Variants in OPCML observed in about 807,000 individuals in gnomAD.
OPCML encodes opioid-binding protein/cell adhesion molecule.
In OPCML, 13 loss-of-function variants were observed where a neutral mutation model predicts 37.8. The ratio of observed to expected loss-of-function variants is 0.34; its 90% CI spans 0.22 to 0.55. The LOEUF is 0.55. Ranked by LOEUF, OPCML falls within the 20% of genes least tolerant of loss-of-function variation. The pLI is 0.91. For missense variants in OPCML, 341 were observed against 435.6 expected (o/e 0.78, Z 1.93); for synonymous variants, 176 against 168.8 (o/e 1.04, Z -0.33).
chr11:133,057,605 G>C (rs561532322), intron 1 of OPCML, among the ~76,000 whole-genome samples: 46 of 152,290 alleles, frequency 3.0e-4, no homozygotes, highest in African/African-American at 1.1e-3. Context: ...CACTTGCAAA[G>C]CTATAGCCTG....
At chr11:133,374,377 G>A (rs1394219045) in intron 1 of OPCML, among the ~76,000 whole-genome samples, 2 of 152,174 alleles carry the variant, frequency 1.3e-5, no homozygotes, top group South Asian at 2.1e-4. Context: ...ATGAGGAAAC[G>A]TTTGGGAATA....
intron 1 of OPCML, among the ~76,000 whole-genome samples, chr11:132,982,073 G>A (rs990233478): frequency 6.6e-6 from 1 of 151,950 alleles, no homozygotes; most frequent in Admixed American, 6.6e-5. Context: ...GCTCGAATAC[G>A]GGCCCTTAAG....
At chr11:132,426,617 A>T (rs1299280244) in intron 7 of OPCML, among the ~76,000 whole-genome samples, 1 of 152,140 alleles carries the variant, frequency 6.6e-6, no homozygotes, top group African/African-American at 2.4e-5. Context: ...ATTTTTGTAG[A>T]GATGGGGTTT....
intron 1 of OPCML, among the ~76,000 whole-genome samples, chr11:133,036,378 G>A (rs1322815437): frequency 1.3e-5 from 2 of 152,190 alleles, no homozygotes; most frequent in African/African-American, 2.4e-5. Flanking sequence ...GATTCTCCAC[G>A]GTCTAGTGAG....
At chr11:133,191,131 C>G (rs75270645) in intron 1 of OPCML, among the ~76,000 whole-genome samples, 3 of 152,092 alleles carry the variant, frequency 2.0e-5, no homozygotes, top group African/African-American at 7.2e-5. Context: ...TTCTCTACAT[C>G]CTCATGAATA....
chr11:133,077,828 C>T (rs182168242), intron 1 of OPCML, among the ~76,000 whole-genome samples: 77 of 152,050 alleles, frequency 5.1e-4, no homozygotes, highest in African/African-American at 1.7e-3. Context: ...GCCCATCTAC[C>T]GGCCACAGAA....
At chr11:132,546,657 C>T (rs1049251854) in intron 3 of OPCML, among the ~76,000 whole-genome samples, 3 of 152,190 alleles carry the variant, frequency 2.0e-5, no homozygotes, top group Non-Finnish European at 4.4e-5. Context: ...ATTTATTTCC[C>T]AGCTGTGTGA....
At position 133,205,079 on chromosome 11, in the gene OPCML, A is replaced by T. The variant is rs1211884861; in HGVS notation, c.62-262069T>A. Among the ~76,000 whole-genome samples, 1 of 151,822 alleles carries T rather than the reference A, an allele frequency of 6.6e-6. No homozygotes were observed. Among genetic ancestry groups the T allele is most frequent in the South Asian group, 2.1e-4 (1 of 4,786 alleles). On this transcript the variant is annotated intron_variant, in intron 1 of 7. Transcript: ENST00000524381. This position sits in a 1 kb window ranked among gnomAD's most constrained non-coding sequence, Gnocchi z 4.8. ...GGCTGCCAGGGAAGCCAATTCTGTG[A>T]TTAAATAATTGGAACTTTCTGTCCC...
intron 2 of OPCML, among the ~76,000 whole-genome samples, chr11:132,702,822 G>C (rs1943881618): frequency 6.6e-6 from 1 of 151,494 alleles, no homozygotes; most frequent in South Asian, 2.1e-4. Flanking sequence ...CTGCTTGATT[G>C]AGTCTACTGT....
At chr11:132,989,863 C>G (rs181296789) in intron 1 of OPCML, among the ~76,000 whole-genome samples, 9 of 152,138 alleles carry the variant, frequency 5.9e-5, no homozygotes, top group Admixed American at 5.9e-4. Context: ...GAAAATAAAG[C>G]CTTCCACTGC....
At chr11:133,523,024 G>A (rs765664913) in intron 1 of OPCML, among the ~76,000 whole-genome samples, 27 of 152,108 alleles carry the variant, frequency 1.8e-4, no homozygotes, top group Admixed American at 3.9e-4. Context: ...CTACTATGGC[G>A]TCCAATTAGC....
Position 133,140,835 on chromosome 11 carries a change from AGAAGACGACGACGACGAC to A in OPCML, c.62-197843_62-197826del, listed in dbSNP as rs869033079. Among the ~76,000 whole-genome samples, 56 of 49,536 alleles carry A rather than the reference AGAAGACGACGACGACGAC, an allele frequency of 1.1e-3. 9 individuals are homozygous for A. The highest frequency in any genetic ancestry group is 2.9e-3 in the African/African-American group (54 of 18,520). The allele number at this position is 49,536 out of a possible 152,430, so 32.5% of individuals were successfully genotyped here. ...ACGACGAAGAAGAAGACGACGACGA[AGAAGACGACGACGACGAC>A]GAAGAAGACGACGACGACGAAGAAG... On this transcript the variant is annotated intron_variant, in intron 1 of 7. Coordinates refer to ENST00000524381, the MANE Select transcript of OPCML (RefSeq NM_001012393.5).
intron 3 of OPCML, among the ~76,000 whole-genome samples, chr11:132,556,888 C>A: frequency 6.6e-6 from 1 of 152,288 alleles, no homozygotes; most frequent in African/African-American, 2.4e-5. Flanking sequence ...TTAAACTCCA[C>A]TTTGTCTTCC....
At chr11:133,361,311 G>C (rs757316824) in intron 1 of OPCML, 4 of 152,344 alleles carry the variant, frequency 2.6e-5, no homozygotes, top group African/African-American at 4.8e-5. Context: ...ATGCTCGCTG[G>C]CTGCCTGGAA....
intron 1 of OPCML, among the ~76,000 whole-genome samples, chr11:133,171,297 CTCT>C (rs1243051884): frequency 6.6e-6 from 1 of 152,168 alleles, no homozygotes; most frequent in Admixed American, 6.5e-5. Context: ...TTTCTCGACC[CTCT>C]TCTTGTCCAC....
rs373329287 is a variant in OPCML at position 133,309,990 on chromosome 11, G to A, written c.61+222274C>T. Among the ~76,000 whole-genome samples the A allele has an allele frequency of 2.6e-4, 40 of 151,842 alleles. No homozygotes were observed. The East Asian group carries it at 4.4e-3, about 17-fold the overall frequency. On this transcript the variant is annotated intron_variant, in intron 1 of 7. Coordinates refer to ENST00000524381, the MANE Select transcript of OPCML (RefSeq NM_001012393.5). ...ATGCAAATGAGGCCGTTTGATAAAT[G>A]TGTCTAGAGTACGAGAGAGATGTAA...
intron 1 of OPCML, among the ~76,000 whole-genome samples, chr11:133,258,208 C>G (rs765533801): frequency 1.6e-4 from 24 of 152,306 alleles, no homozygotes; most frequent in Admixed American, 5.9e-4. Flanking sequence ...TGCCTGCATG[C>G]CCTAGCCCAT....
chr11:133,146,855 G>A (rs570364469), intron 1 of OPCML, among the ~76,000 whole-genome samples: 18 of 152,334 alleles, frequency 1.2e-4, no homozygotes, highest in Non-Finnish European at 2.2e-4. Context: ...CATGTTCACT[G>A]TGGACAAGGG....
At chr11:132,874,604 C>T (rs1365208849) in intron 2 of OPCML, among the ~76,000 whole-genome samples, 1 of 152,086 alleles carries the variant, frequency 6.6e-6, no homozygotes, top group Non-Finnish European at 1.5e-5. Context: ...TGCTGTTGCC[C>T]CTGGGTCTTT....
Sources: allele counts gnomAD v4.1 joint callset (sites outside exome capture counted in the v4.1 genomes callset), GRCh38; gene constraint gnomAD v4.1.1; non-coding constraint Gnocchi (gnomAD v3.1); transcripts MANE v1.5; gene names NCBI Gene and HGNC (gene_info 2026-07-23, HGNC 2026-07-21).